The following MIS18BP1 variants were observed in gnomAD, a reference collection of about 807,000 sequenced individuals.
MIS18BP1 encodes mis18-binding protein 1.
Under a neutral mutation model 116.1 loss-of-function variants are expected in MIS18BP1, and 72 were observed. That is an observed-to-expected ratio of 0.62 (90% CI 0.51 to 0.75). The LOEUF (loss-of-function observed/expected upper bound fraction) is 0.75, where lower values mean the gene tolerates loss of function less well. MIS18BP1 is among the 30% of genes least tolerant of loss of function. The pLI, the probability that MIS18BP1 is intolerant of heterozygous loss-of-function variation, is 0.00. For synonymous variants in MIS18BP1, 386 were observed against 427.0 expected, an observed-to-expected ratio of 0.90 and a Z score of 1.18; for missense variants, 1,363 against 1,303.2, an observed-to-expected ratio of 1.05 and a Z score of -0.71.
intron 15 of MIS18BP1, among the ~76,000 whole-genome samples, chr14:45,205,488 A>T (rs1703769768): frequency 6.6e-6 from 1 of 152,158 alleles, no homozygotes; most frequent in South Asian, 2.1e-4. Flanking sequence ...TCAGAAAATT[A>T]AAAATTTAAA....
chr14:45,219,963 T>C (rs1237355369), intron 11 of MIS18BP1, among the ~76,000 whole-genome samples: 1 of 152,250 alleles, frequency 6.6e-6, no homozygotes, highest in Non-Finnish European at 1.5e-5. Context: ...TGTTTAAAAC[T>C]TGTTTCATTA....
chr14:45,238,563 C>G (rs1417740543), intron 4 of MIS18BP1, among the ~76,000 whole-genome samples: 3 of 152,152 alleles, frequency 2.0e-5, no homozygotes, highest in African/African-American at 2.4e-5. Context: ...AGGACAGTTG[C>G]TTAAACCTGT....
In MIS18BP1 at chr14:45,224,396, G is replaced by C. The variant is rs565326614; in HGVS notation, c.2191C>G (p.Leu731Val). The C allele has an allele frequency of 1.2e-6, 2 of 1,613,660 alleles. No homozygotes were observed. Among genetic ancestry groups the C allele is most frequent in the South Asian group, 2.2e-5 (2 of 90,960 alleles). Residue 731 changes from leucine (L) to valine (V), a missense_variant, in exon 11 of 17, where the codon CTT (leucine) becomes GTT (valine). Physicochemically the swap from Leu to Val is conservative, Grantham distance 32. Coordinates refer to ENST00000310806, the MANE Select transcript of MIS18BP1 (RefSeq NM_018353.5). ...GAGGTGAGCATTTGTTCCTTTTCAA[G>C]GTTAGATATTTTTATTTTCCGGTTG... The part of the protein sequence containing the change: ...TVNRKIKISN[L>V]EKEQMLTSDF...
intron 6 of MIS18BP1, among the ~76,000 whole-genome samples, chr14:45,235,139 G>A (rs1240976101): frequency 4.6e-5 from 7 of 151,570 alleles, no homozygotes; most frequent in Admixed American, 4.6e-4. Context: ...CTTAGGAGGT[G>A]GAGGTTGCAG....
chr14:45,235,568 T>A (rs1473599423), intron 6 of MIS18BP1, among the ~76,000 whole-genome samples: 3 of 127,050 alleles, frequency 2.4e-5, no homozygotes, highest in African/African-American at 9.2e-5. Context: ...CCAGCCTGGG[T>A]GACAGAGCAA....
chr14:45,244,222 A>G (rs769310366), intron 2 of MIS18BP1, among the ~76,000 whole-genome samples: 1 of 152,024 alleles, frequency 6.6e-6, no homozygotes, highest in Non-Finnish European at 1.5e-5. Flanking sequence ...GCGGACTTAC[A>G]CTCTTTACAA....
At chr14:45,239,515 G>GT (rs1197419548) in intron 4 of MIS18BP1, among the ~76,000 whole-genome samples, 1 of 152,150 alleles carries the variant, frequency 6.6e-6, no homozygotes, top group Non-Finnish European at 1.5e-5. Context: ...TTTGAAAGGA[G>GT]TAAGTGAGAG....
chr14:45,242,121 T>C lies in MIS18BP1; in HGVS notation c.1056A>G (p.Thr352=), dbSNP rs1339071683. The C allele has an allele frequency of 6.2e-7, 1 of 1,614,016 alleles. No individual in the cohort carries two copies. The highest frequency in any genetic ancestry group is 8.5e-7 in the Non-Finnish European group (1 of 1,180,000). Reference sequence around the variant, plus strand: ...TATTTCTTTTTGACCTCCGAGGTATTGTTATATGAAGTCTTGGTGTTGCAA... The same window carrying C: ...TATTTCTTTTTGACCTCCGAGGTATCGTTATATGAAGTCTTGGTGTTGCAA... ...IVLATPRLHI[T]IPRRSKRNIS... Residue 352 remains threonine (T), a synonymous_variant, in exon 4 of 17, where the codon ACA becomes ACG. Transcript: ENST00000310806.
chr14:45,208,962 CT>C (rs1395448777), intron 14 of MIS18BP1, among the ~76,000 whole-genome samples: 2 of 151,974 alleles, frequency 1.3e-5, no homozygotes, highest in African/African-American at 4.8e-5. Context: ...TATTTTCCAT[CT>C]TTTTTTGGTG....
chr14:45,227,319 C>T (rs1891148214), intron 9 of MIS18BP1, among the ~76,000 whole-genome samples: 1 of 151,848 alleles, frequency 6.6e-6, no homozygotes, highest in African/African-American at 2.4e-5. Flanking sequence ...CCAGCCTGGC[C>T]AATATGGTGA....
chr14:45,212,006 GCT>G (rs1372598003), intron 13 of MIS18BP1, among the ~76,000 whole-genome samples: 1 of 152,150 alleles, frequency 6.6e-6, no homozygotes, highest in Non-Finnish European at 1.5e-5. Flanking sequence ...CTGGGGCTCT[GCT>G]CTGTTTAGAC....
At chr14:45,234,380 T>C (rs1406689947) in intron 6 of MIS18BP1, among the ~76,000 whole-genome samples, 1 of 151,774 alleles carries the variant, frequency 6.6e-6, no homozygotes, top group Non-Finnish European at 1.5e-5. Flanking sequence ...GGAGTGTTAC[T>C]GGAATAACAT....
rs570519260 is a variant in MIS18BP1 at position 45,242,393 on chromosome 14, T to C, written c.784A>G (p.Lys262Glu). ...AAAACAAACGTGTCCTTTTTGGATT[T>C]AGTGGTTGCAACTATACTCTCCTTT... ...HSKESIVATT[K>E]SKKDTFVLES... The change falls in exon 4 of 17, where the codon AAA (lysine) becomes GAA (glutamate). Residue 262 changes from lysine (K) to glutamate (E), a missense_variant. By Grantham distance (56) the Lys-to-Glu change is moderately conservative. Coordinates refer to ENST00000310806, the MANE Select transcript of MIS18BP1 (RefSeq NM_018353.5). 3 of 1,614,092 alleles carry C rather than the reference T, an allele frequency of 1.9e-6. No individual in the cohort carries two copies. The highest frequency in any genetic ancestry group is 1.3e-5 in the African/African-American group (1 of 75,042).
At chr14:45,216,900 A>G in intron 13 of MIS18BP1, 119 bp downstream of exon 13, 1 of 1,038,658 alleles carries the variant, frequency 9.6e-7, no homozygotes, top group Non-Finnish European at 1.4e-6. Flanking sequence ...GACTATGATC[A>G]TGTCTACGGA....
chr14:45,250,077 T>G (rs1891827442), intron 1 of MIS18BP1: 1 of 152,142 alleles, frequency 6.6e-6, no homozygotes, highest in Admixed American at 6.5e-5. Context: ...CAGATAATTG[T>G]GGTCACGTTG....
intron 6 of MIS18BP1, among the ~76,000 whole-genome samples, chr14:45,235,008 A>G (rs1013922583): frequency 2.0e-5 from 3 of 152,172 alleles, no homozygotes; most frequent in African/African-American, 7.2e-5. Flanking sequence ...ACATGAGGTC[A>G]CAAGTTCAAG....
At position 45,227,651 on chromosome 14, in the gene MIS18BP1, A is replaced by C. The variant is rs377312290; in HGVS notation, c.1746+12T>G. On this transcript the variant is annotated intron_variant, in intron 9 of 16. Transcript: ENST00000310806. The stretch of plus-strand genomic sequence containing the variant: ...ATCAACTTGAACTATACAGTGTACA[A>C]TAAAGCCTTACCTGATTAGATAAGT... 1.2e-6 allele frequency: 2 copies of C among 1,609,352 alleles called. No individual in the cohort carries two copies. The highest frequency in any genetic ancestry group is 8.5e-7 in the Non-Finnish European group (1 of 1,175,860).
rs1009631567 is a variant in MIS18BP1 at position 45,212,948 on chromosome 14, C to T, written c.3004-2420G>A. Among the ~76,000 whole-genome samples, 10 of 152,328 alleles carry T rather than the reference C, an allele frequency of 6.6e-5. No individual in the cohort carries two copies. In the South Asian group the frequency reaches 2.1e-3, roughly 32 times the overall value. On this transcript the variant is annotated intron_variant, in intron 13 of 16. Transcript: ENST00000310806. ...CCCTCTTCTGAGAGTACTTTCTTTC[C>T]TTTGCTTCCTGCTTTAAAGTGTTTT...
intron 13 of MIS18BP1, among the ~76,000 whole-genome samples, chr14:45,213,037 G>A (rs1311035864): frequency 6.6e-6 from 1 of 151,978 alleles, no homozygotes; most frequent in Admixed American, 6.6e-5. Context: ...TGTTTCCTTG[G>A]TCAAATTCTC....
Sources: gnomAD v4.1 joint callset for allele counts (sites outside exome capture counted in the v4.1 genomes callset) on GRCh38, gnomAD v4.1.1 for gene constraint, MANE v1.5 for transcripts, NCBI Gene and HGNC (gene_info 2026-07-23, HGNC 2026-07-21) for gene names.